SRRM3: variants seen among roughly 807,000 people sequenced by gnomAD.
SRRM3 encodes serine/arginine repetitive matrix 3, also known as serine/arginine repetitive matrix protein 3.
A neutral mutation model predicts 66.2 loss-of-function variants in SRRM3; 27 were observed. The ratio of observed to expected loss-of-function variants is 0.41; its 90% confidence interval spans 0.30 to 0.56. The LOEUF (loss-of-function observed/expected upper bound fraction) is 0.56, where lower values mean the gene tolerates loss of function less well. SRRM3 is among the 20% of genes least tolerant of loss of function. The pLI is 0.32. For missense variants in SRRM3, 918 were observed against 991.9 expected (o/e 0.93, Z 1.00); for synonymous variants, 391 against 414.9 (o/e 0.94, Z 0.70).
At position 76,264,776 on chromosome 7, in the gene SRRM3, C is replaced by G. The variant is rs1554609237; in HGVS notation, c.686C>G (p.Ser229Cys). ...TCTGCTCTCTGCAGATCTCGAAGCT[C>G]CAAGTGCAAAAGAAAAGAGAAGAAC... ...RRKRRHRSRS[S>C]KCKRKEKNKE... Residue 229 changes from serine (S) to cysteine (C), a missense_variant, in exon 9 of 15, where the codon TCC becomes TGC. Physicochemically the swap from Ser to Cys is moderately radical, Grantham distance 112. Transcript: ENST00000611745. The G allele has an allele frequency of 6.2e-7, 1 of 1,613,778 alleles. No individual in the cohort carries two copies. The highest frequency in any genetic ancestry group is 1.7e-5 in the Admixed American group (1 of 60,006).
At chr7:76,222,689 T>C (rs1800757114) in intron 1 of SRRM3, among the ~76,000 whole-genome samples, 1 of 152,056 alleles carries the variant, frequency 6.6e-6, no homozygotes, top group Non-Finnish European at 1.5e-5. Flanking sequence ...TGGCGTGATC[T>C]TGACTCACTG....
chr7:76,286,189 T>A lies in SRRM3; in HGVS notation c.*346T>A. 1 of 366,146 alleles carries A rather than the reference T, an allele frequency of 2.7e-6. No homozygotes were observed. Among genetic ancestry groups the A allele is most frequent in the Non-Finnish European group, 5.3e-6 (1 of 190,422 alleles). The allele number at this position is 366,146 out of a possible 1,614,324, so 22.7% of individuals were successfully genotyped here. On this transcript the variant is annotated 3_prime_UTR_variant, in exon 15 of 15. Coordinates refer to ENST00000611745, the MANE Select transcript of SRRM3 (RefSeq NM_001110199.3). Reference sequence around the variant, plus strand: ...CTGCTGCCGGTGGATGGTACCAGAGTCCATGATCTGCTCTGTCACTTCACC... The same window carrying A: ...CTGCTGCCGGTGGATGGTACCAGAGACCATGATCTGCTCTGTCACTTCACC...
At chr7:76,274,962 C>T (rs970299106) in intron 11 of SRRM3, among the ~76,000 whole-genome samples, 5 of 151,980 alleles carry the variant, frequency 3.3e-5, no homozygotes, top group East Asian at 3.9e-4. Flanking sequence ...AAAAATTAGC[C>T]GGGCATGGTG....
intron 1 of SRRM3, among the ~76,000 whole-genome samples, chr7:76,213,971 G>A (rs1800497292): frequency 6.6e-6 from 1 of 151,894 alleles, no homozygotes; most frequent in South Asian, 2.1e-4. Context: ...AGATGGGGGG[G>A]TCTCACCATG....
At position 76,267,200 on chromosome 7, in the gene SRRM3, G is replaced by T. The variant is rs1802084150; in HGVS notation, c.831-58G>T. On this transcript the variant is annotated intron_variant, in intron 10 of 14. Transcript: ENST00000611745. ...GAAGGGGGAAAGAGGAGGCGCAACT[G>T]CTTGCAAAGCGGGTGTCCCACGCCG... The T allele has an allele frequency of 5.6e-6, 8 of 1,419,220 alleles. No homozygotes were observed. The South Asian group carries it at 9.0e-5, about 16-fold the overall frequency. 87.9% of individuals were successfully genotyped at this position (1,419,220 alleles called of 1,614,324 possible).
intron 1 of SRRM3, among the ~76,000 whole-genome samples, chr7:76,203,848 C>A (rs1800223230): frequency 6.6e-6 from 1 of 152,184 alleles, no homozygotes; most frequent in African/African-American, 2.4e-5. Flanking sequence ...ATGCCAGTGT[C>A]TTGATTTATG....
Position 76,235,062 on chromosome 7 carries a change from C to T in SRRM3, c.-5C>T. Reference sequence around the variant, plus strand: ...CCCAGGCCAGCGGCTCCAGGGCCAGCCACGATGTCCTCCACCGTGAACAAC... The same window carrying T: ...CCCAGGCCAGCGGCTCCAGGGCCAGTCACGATGTCCTCCACCGTGAACAAC... On this transcript the variant is annotated 5_prime_UTR_variant, in exon 2 of 15. Transcript: ENST00000611745. 2 of 1,565,570 alleles carry T rather than the reference C, an allele frequency of 1.3e-6. No individual in the cohort carries two copies. The highest frequency in any genetic ancestry group is 2.4e-5 in the East Asian group (1 of 42,194).
chr7:76,271,311 T>A (rs970395750), intron 11 of SRRM3, among the ~76,000 whole-genome samples: 5 of 151,596 alleles, frequency 3.3e-5, no homozygotes, highest in Admixed American at 2.0e-4. Flanking sequence ...CTACAAAAAA[T>A]ATATATATAT....
chr7:76,247,755 C>T lies in SRRM3; in HGVS notation c.234-433C>T, dbSNP rs946711662. ...GGTCACCTAGGCTGGTGTGCAGTGG[C>T]GTGATCTTGGCCTACTGCAACCTCT... On this transcript the variant is annotated intron_variant, in intron 2 of 14. Coordinates refer to ENST00000611745, the MANE Select transcript of SRRM3 (RefSeq NM_001110199.3). Among the ~76,000 whole-genome samples, 234 of 152,072 alleles carry T rather than the reference C, an allele frequency of 1.5e-3. 3 individuals are homozygous for T. The highest frequency in any genetic ancestry group is 6.3e-4 in the Non-Finnish European group (43 of 68,002).
At chr7:76,242,157 G>A (rs77639316) in intron 2 of SRRM3, among the ~76,000 whole-genome samples, 11,993 of 152,112 alleles carry the variant, frequency 0.079, 1,121 homozygotes, top group African/African-American at 0.22. Flanking sequence ...AGCAGTCTCC[G>A]ACCTTTTCAG....
chr7:76,245,519 T>G (rs1801416993), intron 2 of SRRM3, among the ~76,000 whole-genome samples: 1 of 152,200 alleles, frequency 6.6e-6, no homozygotes, highest in South Asian at 2.1e-4. Flanking sequence ...AGGCATGCAA[T>G]GTGAAATAAG....
At chr7:76,261,626 A>T (rs372418131) in intron 8 of SRRM3, 45 bp downstream of exon 8, 1 of 1,590,744 alleles carries the variant, frequency 6.3e-7, no homozygotes, top group Admixed American at 1.8e-5. Context: ...TCCCTTAAGG[A>T]CCAAAGCCCA....
chr7:76,260,959 A>G, intron 6 of SRRM3, 56 bp downstream of exon 6: 1 of 1,529,804 alleles, frequency 6.5e-7, no homozygotes, highest in Non-Finnish European at 8.9e-7. Flanking sequence ...TGGGTGGGAG[A>G]GATTCCAAGG....
chr7:76,202,383 C>T (rs1448578428), intron 1 of SRRM3, among the ~76,000 whole-genome samples: 3 of 152,154 alleles, frequency 2.0e-5, no homozygotes, highest in Non-Finnish European at 4.4e-5. Flanking sequence ...AGGAGAAGGA[C>T]CTGCTCCCCA....
At chr7:76,211,609 A>G (rs1800432861) in intron 1 of SRRM3, among the ~76,000 whole-genome samples, 1 of 152,128 alleles carries the variant, frequency 6.6e-6, no homozygotes, top group Non-Finnish European at 1.5e-5. Context: ...GACATAGGTC[A>G]TATGGCCTGG....
intron 2 of SRRM3, among the ~76,000 whole-genome samples, chr7:76,245,797 G>C (rs1476305878): frequency 4.6e-5 from 7 of 152,182 alleles, no homozygotes; most frequent in Admixed American, 4.6e-4. Context: ...CCGGGTTCAA[G>C]CGATTCTCCT....
intron 3 of SRRM3, among the ~76,000 whole-genome samples, chr7:76,254,846 C>A (rs1215532853): frequency 1.3e-5 from 2 of 151,930 alleles, no homozygotes; most frequent in Admixed American, 6.6e-5. Context: ...ATTTTAGGGA[C>A]AAGGACAGGA....
chr7:76,258,730 A>G (rs1347462577), intron 3 of SRRM3, among the ~76,000 whole-genome samples: 16 of 143,052 alleles, frequency 1.1e-4, no homozygotes, highest in African/African-American at 2.7e-4. Context: ...AAAAAAAAAA[A>G]AAAGAAAAAG....
intron 2 of SRRM3, among the ~76,000 whole-genome samples, 151 bp downstream of exon 2, chr7:76,235,450 G>C (rs1044376906): frequency 5.9e-5 from 9 of 152,170 alleles, no homozygotes; most frequent in Non-Finnish European, 1.3e-4. Flanking sequence ...GCGACTGTGG[G>C]AACCCAAGAG....
Sources: allele counts gnomAD v4.1 joint callset (sites outside exome capture counted in the v4.1 genomes callset), GRCh38; gene constraint gnomAD v4.1.1; transcripts MANE v1.5; gene names NCBI Gene and HGNC (gene_info 2026-07-23, HGNC 2026-07-21).